ZNF578: variants seen among roughly 807,000 people sequenced by gnomAD.
ZNF578 encodes the protein zinc finger protein 578.
ZNF578 carries 8 observed loss-of-function variants against 8.3 expected under a neutral mutation model. The observed-to-expected ratio is 0.96, with a 90% CI of 0.56 to 1.74. The LOEUF is 1.74. ZNF578 is among the 40% of genes most tolerant of loss of function. The probability of loss-of-function intolerance (pLI) is 0.00; values close to 1 mark genes in which losing one functional copy is unlikely to be tolerated. For missense variants in ZNF578, 726 were observed against 707.5 expected, an observed-to-expected ratio of 1.03 and a Z score of -0.30; for synonymous variants, 206 against 232.2, an observed-to-expected ratio of 0.89 and a Z score of 1.03.
chr19:52,473,729 GTA>G, intron 2 of ZNF578: 1 of 265,734 alleles, frequency 3.8e-6, no homozygotes, highest in Admixed American at 5.3e-5. Context: ...TTCCTTACAT[GTA>G]TAAGGTTTCC....
At chr19:52,503,450 A>G (rs1275873246) in intron 4 of ZNF578, among the ~76,000 whole-genome samples, 2 of 152,112 alleles carry the variant, frequency 1.3e-5, no homozygotes, top group East Asian at 1.9e-4. Context: ...GCTTCAAGCA[A>G]TTCTTTTGCC....
At chr19:52,490,984 C>G (rs1376966537) in intron 2 of ZNF578, among the ~76,000 whole-genome samples, 1 of 152,014 alleles carries the variant, frequency 6.6e-6, no homozygotes, top group African/African-American at 2.4e-5. Flanking sequence ...AGAATATATA[C>G]TTTTCTTCTC....
rs189133109 is a variant in ZNF578 at position 52,477,364 on chromosome 19, C to G, written c.-121-13960C>G. On this transcript the variant is annotated intron_variant, in intron 2 of 5. Coordinates refer to ENST00000421239, the MANE Select transcript of ZNF578 (RefSeq NM_001099694.2). ...TGAATGCCCTTATTGTTTGAGGGGC[C>G]TGGGTCCAGGCCCCCTTCTCATTTC... 3.9e-5 allele frequency among the ~76,000 whole-genome samples: 6 copies of G among 152,180 alleles called. No individual in the cohort carries two copies. In the East Asian group the frequency reaches 1.2e-3, roughly 30 times the overall value.
chr19:52,459,626 C>T (rs1342561211), intron 2 of ZNF578, among the ~76,000 whole-genome samples: 1 of 125,716 alleles, frequency 8.0e-6, no homozygotes, highest in Non-Finnish European at 1.6e-5. Flanking sequence ...CACACACACA[C>T]ACACACACAC....
chr19:52,481,661 C>T (rs1054638530), intron 2 of ZNF578, among the ~76,000 whole-genome samples: 9 of 152,112 alleles, frequency 5.9e-5, no homozygotes, highest in African/African-American at 2.2e-4. Context: ...CTTCCCTTTT[C>T]CCAGAGTCGG....
At chr19:52,458,914 A>G (rs1041083134) in intron 2 of ZNF578, 3 of 152,326 alleles carry the variant, frequency 2.0e-5, no homozygotes, top group African/African-American at 4.8e-5. Flanking sequence ...GATGTTTGTC[A>G]TAAGAGGTTC....
At chr19:52,470,724 C>T (rs1445619021) in intron 2 of ZNF578, among the ~76,000 whole-genome samples, 1 of 152,188 alleles carries the variant, frequency 6.6e-6, no homozygotes, top group Admixed American at 6.5e-5. Flanking sequence ...GCTTACACTC[C>T]TCCTGCCCTT....
At chr19:52,495,454 A>G (rs2059382603) in intron 3 of ZNF578, among the ~76,000 whole-genome samples, 1 of 148,902 alleles carries the variant, frequency 6.7e-6, no homozygotes, top group African/African-American at 2.5e-5. Context: ...CTGTCTCAAA[A>G]AAACCAAAAA....
intron 2 of ZNF578, among the ~76,000 whole-genome samples, chr19:52,477,958 G>T (rs937636755): frequency 3.9e-5 from 6 of 152,136 alleles, no homozygotes; most frequent in African/African-American, 1.4e-4. Context: ...TGTAATTGTG[G>T]CCCAGGCATG....
chr19:52,502,035 A>G, intron 4 of ZNF578, 127 bp downstream of exon 4: 1 of 1,446,490 alleles, frequency 6.9e-7, no homozygotes, highest in South Asian at 1.4e-5. Flanking sequence ...TTTGCCTGAC[A>G]CGTTTGCTTG....
At position 52,515,340 on chromosome 19, in the gene ZNF578, C is replaced by T. The variant is rs1401484060; in HGVS notation, c.*3186C>T. ...GACCCTCTTTCACTGTTTCCAAGGT[C>T]AATAGCTGTGTGTTCACACTTCTGC... On this transcript the variant is annotated 3_prime_UTR_variant, in exon 6 of 6. Transcript: ENST00000421239. 6.6e-6 allele frequency among the ~76,000 whole-genome samples: 1 copy of T among 152,136 alleles called. No homozygotes were observed. Among genetic ancestry groups the T allele is most frequent in the Admixed American group, 6.6e-5 (1 of 15,258 alleles).
At chr19:52,469,370 G>C (rs2122791794) in intron 2 of ZNF578, among the ~76,000 whole-genome samples, 1 of 152,092 alleles carries the variant, frequency 6.6e-6, no homozygotes, top group East Asian at 1.9e-4. Flanking sequence ...ATGCTTCCCA[G>C]GCTGATCTCG....
rs2059410271 is a variant in ZNF578, at chr19:52,502,167, C to T, written c.63+259C>T. Among the ~76,000 whole-genome samples, 3 of 152,124 alleles carry T rather than the reference C, an allele frequency of 2.0e-5. No individual in the cohort carries two copies. The South Asian group carries it at 6.2e-4, about 32-fold the overall frequency. Reference sequence around the variant, plus strand: ...GCATGGTCCTGGGAAGGGCTCACACCCAGACATGGATTAACATGGGGTGTG... The same window carrying T: ...GCATGGTCCTGGGAAGGGCTCACACTCAGACATGGATTAACATGGGGTGTG... On this transcript the variant is annotated intron_variant, in intron 4 of 5. Transcript: ENST00000421239.
intron 2 of ZNF578, among the ~76,000 whole-genome samples, chr19:52,477,241 C>T (rs1174843583): frequency 1.3e-5 from 2 of 152,138 alleles, no homozygotes; most frequent in African/African-American, 4.8e-5. Flanking sequence ...CTTTCTCTGG[C>T]AGGGAGATCT....
chr19:52,454,262 A>G (rs891952790), intron 1 of ZNF578: 5 of 152,230 alleles, frequency 3.3e-5, no homozygotes, highest in African/African-American at 1.2e-4. Context: ...TGAACCCAGA[A>G]TACTTCACTT....
rs559022450 is a variant in ZNF578, at chr19:52,477,132, T to C, written c.-121-14192T>C. On this transcript the variant is annotated intron_variant, in intron 2 of 5. Coordinates refer to ENST00000421239, the MANE Select transcript of ZNF578 (RefSeq NM_001099694.2). ...TACAGTGATGCCTCACAAGTTAAGATGGCTCTTGCCCAAAATTAGTCCCAT... is the reference window on the plus strand; with the variant it reads ...TACAGTGATGCCTCACAAGTTAAGACGGCTCTTGCCCAAAATTAGTCCCAT... Among the ~76,000 whole-genome samples the C allele has an allele frequency of 9.6e-4, 146 of 152,344 alleles. 2 individuals are homozygous for C. In the South Asian group the frequency reaches 0.028, roughly 30 times the overall value.
At chr19:52,502,084 C>T (rs1210650145) in intron 4 of ZNF578, among the ~76,000 whole-genome samples, 176 bp downstream of exon 4, 1 of 152,152 alleles carries the variant, frequency 6.6e-6, no homozygotes, top group Non-Finnish European at 1.5e-5. Flanking sequence ...CTCATTTGCT[C>T]AAAAGAATTC....
chr19:52,462,730 CA>C (rs34830864), intron 2 of ZNF578, among the ~76,000 whole-genome samples: 134,885 of 152,098 alleles, frequency 0.89, 60,577 homozygotes, highest in Non-Finnish European at 0.96. Context: ...TTTGAGCCAT[CA>C]AGGTGTGCTT....
chr19:52,498,334 T>G (rs1485164696), intron 3 of ZNF578, among the ~76,000 whole-genome samples: 44 of 146,806 alleles, frequency 3.0e-4, no homozygotes, highest in African/African-American at 1.0e-3. Flanking sequence ...TGTGTGTTTT[T>G]TTTTTTTTTT....
Sources: allele counts gnomAD v4.1 joint callset (sites outside exome capture counted in the v4.1 genomes callset), GRCh38; gene constraint gnomAD v4.1.1; transcripts MANE v1.5; gene names NCBI Gene and HGNC (gene_info 2026-07-23, HGNC 2026-07-21).